OSBPL6: variants seen among roughly 807,000 people sequenced by gnomAD.
The protein encoded by OSBPL6 is oxysterol-binding protein-related protein 6.
In OSBPL6, 49 loss-of-function variants were observed where a neutral mutation model predicts 125.8. The ratio of observed to expected loss-of-function variants is 0.39; its 90% CI spans 0.31 to 0.49. OSBPL6 has a LOEUF of 0.49. Among genes scored for constraint, OSBPL6 ranks in the 20% least tolerant of loss-of-function variants. The probability of loss-of-function intolerance (pLI) is 0.88; values close to 1 mark genes in which losing one functional copy is unlikely to be tolerated. For missense variants in OSBPL6, 986 were observed against 1,135.4 expected (o/e 0.87, Z 1.89); for synonymous variants, 394 against 391.8 (o/e 1.01, Z -0.07).
chr2:178,211,868 A>G (rs1479971834), intron 1 of OSBPL6, among the ~76,000 whole-genome samples: 2 of 152,104 alleles, frequency 1.3e-5, no homozygotes, highest in Non-Finnish European at 2.9e-5. Flanking sequence ...TAGGAACTCT[A>G]ACTCTGTTAT....
chr2:178,377,279 C>T (rs1309215660), intron 15 of OSBPL6, among the ~76,000 whole-genome samples: 1 of 152,230 alleles, frequency 6.6e-6, no homozygotes, highest in Non-Finnish European at 1.5e-5. Context: ...AGAGCAGGAG[C>T]AAGAGAGCAA....
At chr2:178,354,740 A>G (rs1691608459) in intron 12 of OSBPL6, among the ~76,000 whole-genome samples, 1 of 152,208 alleles carries the variant, frequency 6.6e-6, no homozygotes, top group Non-Finnish European at 1.5e-5. Context: ...AGCAGACCTA[A>G]TAGACATCTA....
In OSBPL6 at chr2:178,332,819, T is replaced by G. The variant is rs1689331826; in HGVS notation, c.487-52T>G. 2.5e-6 allele frequency: 4 copies of G among 1,608,908 alleles called. No homozygotes were observed. In the South Asian group the frequency reaches 4.4e-5, roughly 18 times the overall value. ...GGAAACGATTTGCCTACACCAGTGG[T>G]AGGCAGGAGAGTTATTTTACAATTA... is the stretch of plus-strand genomic sequence containing the variant. On this transcript the variant is annotated intron_variant, in intron 7 of 24. Coordinates refer to ENST00000190611, the MANE Select transcript of OSBPL6 (RefSeq NM_032523.4).
chr2:178,281,823 C>T (rs1022339575), intron 1 of OSBPL6, among the ~76,000 whole-genome samples: 1 of 151,872 alleles, frequency 6.6e-6, no homozygotes, highest in African/African-American at 2.4e-5. Context: ...GGTGGGAGAG[C>T]ATCAGGAGAA....
At chr2:178,351,084 A>G (rs1691213317) in intron 12 of OSBPL6, among the ~76,000 whole-genome samples, 1 of 152,276 alleles carries the variant, frequency 6.6e-6, no homozygotes, top group East Asian at 1.9e-4. Context: ...ATAGAAGGAA[A>G]GTTTCTCAAT....
Position 178,399,752 on chromosome 2 carries a change from C to A in OSBPL6, c.*4193C>A, listed in dbSNP as rs182329185. On this transcript the variant is annotated 3_prime_UTR_variant, in exon 25 of 25. Transcript: ENST00000190611. The stretch of plus-strand genomic sequence containing the variant: ...AAAGGCATAGATACACATGTATGTT[C>A]TTTTACACTGTGTCATTGTTTGTAA... The A allele has an allele frequency of 1.2e-3, 185 of 152,290 alleles. No individual in the cohort carries two copies. The highest frequency in any genetic ancestry group is 4.3e-3 in the African/African-American group (179 of 41,580). 9.4% of individuals were successfully genotyped at this position (152,290 alleles called of 1,614,324 possible). A position where few individuals can be genotyped will look rare whatever the true frequency, so the allele number is the denominator to read the frequency against.
At chr2:178,361,572 G>A in intron 12 of OSBPL6, 110 bp from the exon 13 acceptor site, 2 of 1,322,590 alleles carry the variant, frequency 1.5e-6, no homozygotes, top group East Asian at 2.3e-5. Flanking sequence ...CTATTACATA[G>A]CCTTTCCAAA....
At chr2:178,362,757 A>G (rs1008025287) in intron 13 of OSBPL6, among the ~76,000 whole-genome samples, 4 of 152,062 alleles carry the variant, frequency 2.6e-5, no homozygotes, top group Non-Finnish European at 5.9e-5. Context: ...GTTAAGTTTC[A>G]TGTCATGGAT....
At chr2:178,251,360 CT>C (rs761646626) in intron 1 of OSBPL6, among the ~76,000 whole-genome samples, 3,005 of 140,678 alleles carry the variant, frequency 0.021, 34 homozygotes, top group Non-Finnish European at 0.027. Context: ...TACTATGGTT[CT>C]TTTTTTTTTT....
At chr2:178,342,167 C>T (rs1332508535) in intron 11 of OSBPL6, among the ~76,000 whole-genome samples, 4 of 152,104 alleles carry the variant, frequency 2.6e-5, no homozygotes, top group Non-Finnish European at 5.9e-5. Flanking sequence ...GCTGATGTTG[C>T]AGCCAATATG....
At chr2:178,311,824 T>C (rs902643365) in intron 3 of OSBPL6, among the ~76,000 whole-genome samples, 6 of 152,166 alleles carry the variant, frequency 3.9e-5, no homozygotes, top group African/African-American at 1.4e-4. Flanking sequence ...CTCTTGCTCC[T>C]GAGAGTGGAC....
chr2:178,340,315 A>AT (rs1690089393), intron 11 of OSBPL6, among the ~76,000 whole-genome samples: 1 of 152,126 alleles, frequency 6.6e-6, no homozygotes, highest in Non-Finnish European at 1.5e-5. Flanking sequence ...AATAGAGTTT[A>AT]TTTAATAAGC....
At chr2:178,349,095 C>A (rs562860763) in intron 11 of OSBPL6, 129 bp from the exon 12 acceptor site, 6 of 984,416 alleles carry the variant, frequency 6.1e-6, no homozygotes, top group Non-Finnish European at 9.5e-6. Flanking sequence ...TAAATGAGTA[C>A]TGAGTGTCTC....
chr2:178,355,058 A>G (rs1302150097), intron 12 of OSBPL6, among the ~76,000 whole-genome samples: 1 of 152,232 alleles, frequency 6.6e-6, no homozygotes, highest in Non-Finnish European at 1.5e-5. Flanking sequence ...GACACAACTT[A>G]CCAGAATCTC....
chr2:178,257,783 T>C (rs2091931667), intron 1 of OSBPL6, among the ~76,000 whole-genome samples: 1 of 148,418 alleles, frequency 6.7e-6, no homozygotes, highest in Admixed American at 6.7e-5. Flanking sequence ...TCTAGTTGTC[T>C]ATATTTTTTT....
intron 1 of OSBPL6, among the ~76,000 whole-genome samples, chr2:178,200,341 T>TC (rs1170707302): frequency 7.4e-6 from 1 of 134,554 alleles, no homozygotes; most frequent in Admixed American, 8.6e-5. Context: ...AACCTCCACC[T>TC]CCTGGGTTCA....
Position 178,383,294 on chromosome 2 carries a change from A to G in OSBPL6, c.1875+17A>G, listed in dbSNP as rs773392172. 9.3e-6 allele frequency: 15 copies of G among 1,610,084 alleles called. No individual in the cohort carries two copies. Among genetic ancestry groups the G allele is most frequent in the Non-Finnish European group, 1.3e-5 (15 of 1,178,314 alleles). ...GAGCGCATGGTAATAAATAACTAAC[A>G]GAGCAGCGCCCCTCAGGGATTTGCC... On this transcript the variant is annotated intron_variant, in intron 17 of 24. Transcript: ENST00000190611.
chr2:178,222,441 G>A (rs2090379277), intron 1 of OSBPL6, among the ~76,000 whole-genome samples: 1 of 152,096 alleles, frequency 6.6e-6, no homozygotes, highest in African/African-American at 2.4e-5. Context: ...TCAGGAGATC[G>A]AGACCATCCT....
intron 13 of OSBPL6, among the ~76,000 whole-genome samples, chr2:178,364,360 A>G (rs1692619394): frequency 6.6e-6 from 1 of 152,226 alleles, no homozygotes; most frequent in South Asian, 2.1e-4. Flanking sequence ...CTGGTACAGT[A>G]TGGAGGGTAG....
Sources: allele counts gnomAD v4.1 joint callset (sites outside exome capture counted in the v4.1 genomes callset), GRCh38; gene constraint gnomAD v4.1.1; transcripts MANE v1.5; gene names NCBI Gene and HGNC (gene_info 2026-07-23, HGNC 2026-07-21).